Variants in SCHIP1 observed in about 807,000 individuals in gnomAD.
SCHIP1 encodes schwannomin-interacting protein 1.
Under a neutral mutation model 29.7 loss-of-function variants are expected in SCHIP1, and 8 were observed. That is an observed-to-expected ratio of 0.27 (90% CI 0.16 to 0.49). The LOEUF is 0.49. SCHIP1 is among the 20% of genes least tolerant of loss of function. The pLI, the probability that SCHIP1 is intolerant of heterozygous loss-of-function variation, is 0.99. For missense variants in SCHIP1, 193 were observed against 294.6 expected (o/e 0.66, Z 2.52); for synonymous variants, 76 against 94.9 (o/e 0.80, Z 1.16).
the SCHIP1 span, among the ~76,000 whole-genome samples, chr3:159,275,663 T>C: frequency 6.6e-6 from 1 of 152,172 alleles, no homozygotes; most frequent in African/African-American, 2.4e-5. Flanking sequence ...GTTGAGATAT[T>C]GTTGTCTATG....
chr3:159,464,512 C>T, the SCHIP1 span, among the ~76,000 whole-genome samples: 1 of 152,142 alleles, frequency 6.6e-6, no homozygotes, highest in African/African-American at 2.4e-5. Flanking sequence ...AAAGGGTTAT[C>T]TTGCCTCATT....
At chr3:159,459,951 C>A in the SCHIP1 span, among the ~76,000 whole-genome samples, 1 of 152,172 alleles carries the variant, frequency 6.6e-6, no homozygotes, top group Non-Finnish European at 1.5e-5. Flanking sequence ...TCTCATACTT[C>A]TGGCCTCCAG....
the SCHIP1 span, among the ~76,000 whole-genome samples, chr3:159,761,301 T>TGGGGC: frequency 2.0e-5 from 3 of 152,306 alleles, no homozygotes; most frequent in Non-Finnish European, 4.4e-5. Context: ...AGAGGGATCT[T>TGGGGC]GTACTTACGT....
the SCHIP1 span, among the ~76,000 whole-genome samples, chr3:159,681,699 C>G: frequency 1.3e-5 from 2 of 152,168 alleles, no homozygotes; most frequent in African/African-American, 2.4e-5. Context: ...TGGGCTATTT[C>G]CCTCAACTTT....
the SCHIP1 span, among the ~76,000 whole-genome samples, chr3:159,832,001 T>A: frequency 2.0e-4 from 30 of 152,328 alleles, no homozygotes; most frequent in Admixed American, 5.2e-4. Flanking sequence ...AACACACGTT[T>A]ATGAGTTTCA....
the SCHIP1 span, among the ~76,000 whole-genome samples, chr3:159,504,094 C>G: frequency 8.5e-5 from 13 of 152,286 alleles, no homozygotes; most frequent in Middle Eastern, 3.4e-3. Context: ...AACTCTATCT[C>G]TCAGGTTGTG....
chr3:159,760,431 G>A, the SCHIP1 span, among the ~76,000 whole-genome samples: 1 of 152,180 alleles, frequency 6.6e-6, no homozygotes, highest in East Asian at 1.9e-4. Flanking sequence ...CAAGAATTCT[G>A]AATGCAAACT....
the SCHIP1 span, among the ~76,000 whole-genome samples, chr3:159,366,403 A>T: frequency 6.6e-6 from 1 of 152,234 alleles, no homozygotes; most frequent in Non-Finnish European, 1.5e-5. Flanking sequence ...TATTATTAGT[A>T]TAGAACAGTT....
chr3:159,489,025 A>C, the SCHIP1 span, among the ~76,000 whole-genome samples: 77 of 152,280 alleles, frequency 5.1e-4, no homozygotes, highest in African/African-American at 1.8e-3. Flanking sequence ...GAGCTAACGT[A>C]ATGTTTTAAT....
chr3:159,332,185 A>G, the SCHIP1 span, among the ~76,000 whole-genome samples: 1 of 152,208 alleles, frequency 6.6e-6, no homozygotes, highest in African/African-American at 2.4e-5. Flanking sequence ...ATTAATGTCA[A>G]ATTTTTAGCA....
At chr3:159,292,128 A>C in the SCHIP1 span, among the ~76,000 whole-genome samples, 3 of 152,100 alleles carry the variant, frequency 2.0e-5, no homozygotes, top group Admixed American at 2.0e-4. Flanking sequence ...ATAGATATTG[A>C]AATTCTAGGG....
chr3:159,519,412 G>A, the SCHIP1 span, among the ~76,000 whole-genome samples: 1 of 152,024 alleles, frequency 6.6e-6, no homozygotes, highest in African/African-American at 2.4e-5. Flanking sequence ...GAAAATATGT[G>A]ACTTCATTAT....
chr3:159,673,045 TTAC>T, the SCHIP1 span, among the ~76,000 whole-genome samples: 1 of 152,208 alleles, frequency 6.6e-6, no homozygotes, highest in Admixed American at 6.5e-5. Flanking sequence ...CGAAACCTGT[TTAC>T]TTCTTTTGTT....
chr3:159,639,115 G>A, the SCHIP1 span, among the ~76,000 whole-genome samples: 45 of 152,108 alleles, frequency 3.0e-4, no homozygotes, highest in Non-Finnish European at 5.4e-4. Context: ...TTTTGTGAGA[G>A]GCAGTCAGTT....
the SCHIP1 span, among the ~76,000 whole-genome samples, chr3:159,393,544 T>C: frequency 6.6e-6 from 1 of 151,720 alleles, no homozygotes; most frequent in South Asian, 2.1e-4. Context: ...CTAGCCAGTT[T>C]TCCCAGCACC....
the SCHIP1 span, among the ~76,000 whole-genome samples, chr3:159,403,739 G>T: frequency 6.6e-6 from 1 of 152,156 alleles, no homozygotes; most frequent in African/African-American, 2.4e-5. Flanking sequence ...TAATTCCTGG[G>T]CATGTCCTGA....
chr3:159,826,836 C>G, the SCHIP1 span, among the ~76,000 whole-genome samples: 1 of 152,264 alleles, frequency 6.6e-6, no homozygotes, highest in East Asian at 1.9e-4. Flanking sequence ...TGCTATTCAC[C>G]AGGGAAAACT....
the SCHIP1 span, among the ~76,000 whole-genome samples, chr3:159,508,749 T>C: frequency 4.6e-5 from 7 of 152,220 alleles, no homozygotes; most frequent in African/African-American, 1.7e-4. Context: ...CAGGAGAAGA[T>C]TGTTCAGTTT....
the SCHIP1 span, among the ~76,000 whole-genome samples, chr3:159,751,985 G>C: frequency 6.6e-6 from 1 of 152,178 alleles, no homozygotes; most frequent in African/African-American, 2.4e-5. Flanking sequence ...TCTCGTGACA[G>C]TGAGTGAGCT....
Sources: allele counts gnomAD v4.1 joint callset (sites outside exome capture counted in the v4.1 genomes callset), GRCh38; gene constraint gnomAD v4.1.1; transcripts MANE v1.5; gene names NCBI Gene and HGNC (gene_info 2026-07-23, HGNC 2026-07-21).